GALR2: variants seen among roughly 807,000 people sequenced by gnomAD.
The protein encoded by GALR2 is galanin receptor 2, also known as galanin receptor type 2.
In GALR2, 5 loss-of-function variants were observed where a neutral mutation model predicts 7.2. That is an observed-to-expected ratio of 0.69 (90% CI 0.36 to 1.45). The LOEUF is 1.45. GALR2 is among the 40% of genes most tolerant of loss of function. The probability of loss-of-function intolerance (pLI) is 0.03; values close to 1 mark genes in which losing one functional copy is unlikely to be tolerated. For synonymous variants in GALR2, 300 were observed against 263.9 expected, an observed-to-expected ratio of 1.14 and a Z score of -1.32; for missense variants, 561 against 555.7, an observed-to-expected ratio of 1.01 and a Z score of -0.10.
At position 76,075,151 on chromosome 17, in the gene GALR2, G is replaced by A. The variant is rs1267812210; in HGVS notation, c.268G>A (p.Gly90Ser). The A allele has an allele frequency of 1.4e-5, 23 of 1,612,402 alleles. No homozygotes were observed. The highest frequency in any genetic ancestry group is 1.9e-5 in the Non-Finnish European group (23 of 1,179,822). The change falls in exon 1 of 2, where the codon GGC becomes AGC. Residue 90 changes from glycine (G) to serine (S), a missense_variant. By Grantham distance (56) the Gly-to-Ser change is moderately conservative. Transcript: ENST00000329003. The surrounding 1 kb of genome is among the most constrained non-coding windows in gnomAD (Gnocchi z 5.9). ...CCAGGCCACCATCTACACCCTGGAC[G>A]GCTGGGTGTTCGGCTCGCTGCTGTG... ...PFQATIYTLD[G>S]WVFGSLLCKA...
chr17:76,076,928 G>C lies in GALR2; in HGVS notation c.661G>C (p.Val221Leu), dbSNP rs761738206. 6.2e-7 allele frequency: 1 copy of C among 1,602,046 alleles called. No individual in the cohort carries two copies. The highest frequency in any genetic ancestry group is 1.1e-5 in the South Asian group (1 of 90,964). ...CTACCTCTGGCGCGCCGTCGACCCG[G>C]TGGCCGCGGGCTCGGGTGCCCGGCG... ...LRYLWRAVDP[V>L]AAGSGARRAK... Residue 221 changes from valine to leucine, a missense_variant, in exon 2 of 2, where the codon GTG (valine) becomes CTG (leucine). By Grantham distance (32) the Val-to-Leu change is conservative. Transcript: ENST00000329003. This position sits in a 1 kb window ranked among gnomAD's most constrained non-coding sequence, Gnocchi z 6.5.
upstream of GALR2, chr17:76,072,104 C>A: frequency 9.8e-7 from 1 of 1,019,484 alleles, no homozygotes; most frequent in Non-Finnish European, 1.4e-6. This position sits in a 1 kb window ranked among gnomAD's most constrained non-coding sequence, Gnocchi z 4.5. Flanking sequence ...CGGACCTAGC[C>A]AGGACGGCGA....
Position 76,074,985 on chromosome 17 carries a change from C to T in GALR2, c.102C>T (p.Leu34=). ...EAVIVPLLFA[L]IFLVGTVGNT... is the part of the protein sequence containing the mutation. ...TCATCGTGCCCCTGCTCTTCGCGCT[C>T]ATCTTCCTCGTGGGCACCGTGGGCA... The change falls in exon 1 of 2, where the codon CTC becomes CTT. Residue 34 remains leucine (L), a synonymous_variant. Transcript: ENST00000329003. This position sits in a 1 kb window ranked among gnomAD's most constrained non-coding sequence, Gnocchi z 6.7. 2 of 1,604,774 alleles carry T rather than the reference C, an allele frequency of 1.2e-6. No individual in the cohort carries two copies. The highest frequency in any genetic ancestry group is 1.1e-5 in the South Asian group (1 of 90,870).
rs1170293686 is a variant in GALR2 at position 76,076,528 on chromosome 17, C to T, written c.369-108C>T. Reference sequence around the variant, plus strand: ...CCTCTGTGTGCGGTGTAACCATGCGCTAAGGACCTTCCTCGAGAGCAGCCT... The same window carrying T: ...CCTCTGTGTGCGGTGTAACCATGCGTTAAGGACCTTCCTCGAGAGCAGCCT... On this transcript the variant is annotated intron_variant, in intron 1 of 1. Transcript: ENST00000329003. The surrounding 1 kb of genome is among the most constrained non-coding windows in gnomAD (Gnocchi z 6.5). The T allele has an allele frequency of 8.4e-6, 6 of 712,054 alleles. No homozygotes were observed. The highest frequency in any genetic ancestry group is 1.4e-5 in the Non-Finnish European group (6 of 433,246). 44.1% of individuals were successfully genotyped at this position (712,054 alleles called of 1,614,324 possible).
chr17:76,075,384 C>A lies in GALR2; in HGVS notation c.368+133C>A, dbSNP rs912055280. On this transcript the variant is annotated intron_variant, in intron 1 of 1. Coordinates refer to ENST00000329003, the MANE Select transcript of GALR2 (RefSeq NM_003857.4). This position sits in a 1 kb window ranked among gnomAD's most constrained non-coding sequence, Gnocchi z 5.9. Reference sequence around the variant, plus strand: ...AAGAAGGCAGTGGAAGACAAGCGGGCGCGGAGGAGGAAAAAGAGGAATAAG... The same window carrying A: ...AAGAAGGCAGTGGAAGACAAGCGGGAGCGGAGGAGGAAAAAGAGGAATAAG... The A allele has an allele frequency of 3.1e-6, 3 of 962,544 alleles. No individual in the cohort carries two copies. The highest frequency in any genetic ancestry group is 1.6e-5 in the African/African-American group (1 of 61,196). The allele number at this position is 962,544 out of a possible 1,614,324, so 59.6% of individuals were successfully genotyped here.
Position 76,077,132 on chromosome 17 carries a change from C to A in GALR2, c.865C>A (p.Pro289Thr). ...LVSYANSCVNPIVYALVSKHF... is the reference protein window; with the variant it reads ...LVSYANSCVNTIVYALVSKHF... ...CTCCTACGCCAACTCCTGCGTCAAC[C>A]CCATCGTTTACGCGCTGGTCTCCAA... Residue 289 changes from proline (P) to threonine (T), a missense_variant, in exon 2 of 2, where the codon CCC becomes ACC. Coordinates refer to ENST00000329003, the MANE Select transcript of GALR2 (RefSeq NM_003857.4). The A allele has an allele frequency of 6.2e-7, 1 of 1,612,928 alleles. No individual in the cohort carries two copies. Among genetic ancestry groups the A allele is most frequent in the Non-Finnish European group, 8.5e-7 (1 of 1,179,862 alleles).
upstream of GALR2, among the ~76,000 whole-genome samples, chr17:76,074,148 C>T (rs1488756390): frequency 6.6e-6 from 1 of 151,770 alleles, no homozygotes; most frequent in Non-Finnish European, 1.5e-5. The surrounding 1 kb of genome is among the most constrained non-coding windows in gnomAD (Gnocchi z 6.7). Context: ...TCTGTCTCAA[C>T]AAATACAAAT....
upstream of GALR2, chr17:76,072,613 G>GC (rs1598274023): frequency 8.9e-6 from 13 of 1,458,320 alleles, no homozygotes; most frequent in East Asian, 3.3e-4. The surrounding 1 kb of genome is among the most constrained non-coding windows in gnomAD (Gnocchi z 4.5). Context: ...GTCGGCCCTT[G>GC]CTGCAGCAGG....
Position 76,076,701 on chromosome 17 carries a change from C to T in GALR2, c.434C>T (p.Ala145Val). Residue 145 changes from alanine to valine, a missense_variant, in exon 2 of 2, where the codon GCC becomes GTC. Coordinates refer to ENST00000329003, the MANE Select transcript of GALR2 (RefSeq NM_003857.4). The surrounding 1 kb of genome is among the most constrained non-coding windows in gnomAD (Gnocchi z 6.5). ...CGCACGCCTCGAAACGCGCTGGCAG[C>T]CATCGGGCTCATCTGGGGGCTGTCG... is the stretch of plus-strand genomic sequence containing the variant. Reference protein sequence around the residue: ...ELRTPRNALAAIGLIWGLSLL... With the variant: ...ELRTPRNALAVIGLIWGLSLL... 6.2e-7 allele frequency: 1 copy of T among 1,602,854 alleles called. No individual in the cohort carries two copies.
upstream of GALR2, chr17:76,072,033 A>G (rs918081270): frequency 1.8e-6 from 1 of 570,244 alleles, no homozygotes; most frequent in Admixed American, 3.7e-5. This position sits in a 1 kb window ranked among gnomAD's most constrained non-coding sequence, Gnocchi z 4.5. Context: ...AAGCCCTCCA[A>G]CTGGACAACT....
Position 76,075,394 on chromosome 17 carries a change from G to T in GALR2, c.368+143G>T. ...TGGAAGACAAGCGGGCGCGGAGGAGGAAAAAGAGGAATAAGAATGGGGGAC... is the reference window on the plus strand; with the variant it reads ...TGGAAGACAAGCGGGCGCGGAGGAGTAAAAAGAGGAATAAGAATGGGGGAC... On this transcript the variant is annotated intron_variant, in intron 1 of 1. Transcript: ENST00000329003. This position sits in a 1 kb window ranked among gnomAD's most constrained non-coding sequence, Gnocchi z 5.9. The T allele has an allele frequency of 1.2e-6, 1 of 846,580 alleles. No homozygotes were observed. The highest frequency in any genetic ancestry group is 2.6e-5 in the East Asian group (1 of 37,944). 52.4% of individuals were successfully genotyped at this position (846,580 alleles called of 1,614,324 possible). A position where few individuals can be genotyped will look rare whatever the true frequency, so the allele number is the denominator to read the frequency against.
chr17:76,073,482 G>C (rs1314511222), upstream of GALR2, among the ~76,000 whole-genome samples: 1 of 129,804 alleles, frequency 7.7e-6, no homozygotes, highest in African/African-American at 3.0e-5. Flanking sequence ...TTTTAGTGGA[G>C]ACGGGGTTTC....
In GALR2 at chr17:76,075,896, G is replaced by C. The variant is rs1289579508; in HGVS notation, c.368+645G>C. On this transcript the variant is annotated intron_variant, in intron 1 of 1. Coordinates refer to ENST00000329003, the MANE Select transcript of GALR2 (RefSeq NM_003857.4). The surrounding 1 kb of genome is among the most constrained non-coding windows in gnomAD (Gnocchi z 5.9). Reference sequence around the variant, plus strand: ...AAAATAAAATCCAAAACAAGTCGGGGCCGGGAGAGGAGCGTGCCCTGGGGT... The same window carrying C: ...AAAATAAAATCCAAAACAAGTCGGGCCCGGGAGAGGAGCGTGCCCTGGGGT... Among the ~76,000 whole-genome samples the C allele has an allele frequency of 6.6e-6, 1 of 152,238 alleles. No homozygotes were observed. Among genetic ancestry groups the C allele is most frequent in the Non-Finnish European group, 1.5e-5 (1 of 68,046 alleles).
rs1251570779 is a variant in GALR2 at position 76,077,195 on chromosome 17, C to T, written c.928C>T (p.Leu310=). ...RKGFRTICAG[L]LGRAPGRASG... is the part of the protein sequence containing the mutation. ...AGGCTTCCGCACGATCTGCGCGGGC[C>T]TGCTGGGCCGTGCCCCAGGCCGAGC... The change falls in exon 2 of 2, where the codon CTG becomes TTG. Residue 310 remains leucine (L), a synonymous_variant. Coordinates refer to ENST00000329003, the MANE Select transcript of GALR2 (RefSeq NM_003857.4). The T allele has an allele frequency of 1.9e-6, 3 of 1,610,010 alleles. No individual in the cohort carries two copies. Among genetic ancestry groups the T allele is most frequent in the Non-Finnish European group, 2.5e-6 (3 of 1,178,808 alleles).
chr17:76,072,593 C>T, upstream of GALR2: 4 of 1,478,042 alleles, frequency 2.7e-6, no homozygotes, highest in East Asian at 2.5e-5. The surrounding 1 kb of genome is among the most constrained non-coding windows in gnomAD (Gnocchi z 4.5). Flanking sequence ...TAGCGGCGGA[C>T]TCCGCCGCCG....
chr17:76,074,061 G>A (rs1354578998), upstream of GALR2, among the ~76,000 whole-genome samples: 1 of 152,162 alleles, frequency 6.6e-6, no homozygotes, highest in Non-Finnish European at 1.5e-5. This position sits in a 1 kb window ranked among gnomAD's most constrained non-coding sequence, Gnocchi z 6.7. Context: ...CAGGAGGATC[G>A]CTTGAACCCG....
Position 76,075,703 on chromosome 17 carries a change from C to A in GALR2, c.368+452C>A, listed in dbSNP as rs529102722. On this transcript the variant is annotated intron_variant, in intron 1 of 1. Transcript: ENST00000329003. This position sits in a 1 kb window ranked among gnomAD's most constrained non-coding sequence, Gnocchi z 5.9. ...CAGCCAACTTCAGGCGCCTCCACTGCGCTCGCCTCCAAGCCACGGTTTGGT... is the reference window on the plus strand; with the variant it reads ...CAGCCAACTTCAGGCGCCTCCACTGAGCTCGCCTCCAAGCCACGGTTTGGT... Among the ~76,000 whole-genome samples, 1 of 152,142 alleles carries A rather than the reference C, an allele frequency of 6.6e-6. No homozygotes were observed. The highest frequency in any genetic ancestry group is 1.9e-4 in the East Asian group (1 of 5,174).
rs2066884791 is a variant in GALR2 at position 76,075,586 on chromosome 17, G to C, written c.368+335G>C. ...CTCCGTGAGGGTGGGATAGGACAAAGTGCCCAATATACAGAAGAGTTGAGT... is the reference window on the plus strand; with the variant it reads ...CTCCGTGAGGGTGGGATAGGACAAACTGCCCAATATACAGAAGAGTTGAGT... On this transcript the variant is annotated intron_variant, in intron 1 of 1. Coordinates refer to ENST00000329003, the MANE Select transcript of GALR2 (RefSeq NM_003857.4). This position sits in a 1 kb window ranked among gnomAD's most constrained non-coding sequence, Gnocchi z 5.9. 6.6e-6 allele frequency among the ~76,000 whole-genome samples: 1 copy of C among 152,212 alleles called. No individual in the cohort carries two copies. The highest frequency in any genetic ancestry group is 6.5e-5 in the Admixed American group (1 of 15,280).
chr17:76,076,925 C>T lies in GALR2; in HGVS notation c.658C>T (p.Pro220Ser). The change falls in exon 2 of 2, where the codon CCG (proline) becomes TCG (serine). Residue 220 changes from proline to serine, a missense_variant. By Grantham distance (74) the Pro-to-Ser change is moderately conservative (BLOSUM62 -1). Coordinates refer to ENST00000329003, the MANE Select transcript of GALR2 (RefSeq NM_003857.4). The surrounding 1 kb of genome is among the most constrained non-coding windows in gnomAD (Gnocchi z 6.5). ...TLRYLWRAVDPVAAGSGARRA... is the reference protein window; with the variant it reads ...TLRYLWRAVDSVAAGSGARRA... ...GCGCTACCTCTGGCGCGCCGTCGAC[C>T]CGGTGGCCGCGGGCTCGGGTGCCCG... 3 of 1,602,088 alleles carry T rather than the reference C, an allele frequency of 1.9e-6. No individual in the cohort carries two copies. The highest frequency in any genetic ancestry group is 1.7e-6 in the Non-Finnish European group (2 of 1,178,454).
Sources: gnomAD v4.1 joint callset for allele counts (sites outside exome capture counted in the v4.1 genomes callset) on GRCh38, gnomAD v4.1.1 for gene constraint, Gnocchi (gnomAD v3.1) non-coding constraint, MANE v1.5 for transcripts, NCBI Gene and HGNC (gene_info 2026-07-23, HGNC 2026-07-21) for gene names.